The following PDE4B variants were observed in gnomAD, a reference collection of about 807,000 sequenced individuals.
The protein encoded by PDE4B is phosphodiesterase 4B, also known as 3',5'-cyclic-AMP phosphodiesterase 4B.
PDE4B carries 20 observed loss-of-function variants against 82.2 expected under a neutral mutation model. The observed-to-expected ratio is 0.24, with a 90% CI of 0.17 to 0.35. The LOEUF (loss-of-function observed/expected upper bound fraction) is 0.35, where lower values mean the gene tolerates loss of function less well. Among genes scored for constraint, PDE4B ranks in the 10% least tolerant of loss-of-function variants. PDE4B has a pLI of 1.00. For synonymous variants in PDE4B, 320 were observed against 318.9 expected, an observed-to-expected ratio of 1.00 and a Z score of -0.04; for missense variants, 655 against 907.2, an observed-to-expected ratio of 0.72 and a Z score of 3.57.
At chr1:66,083,543 A>G (rs1032575794) in intron 3 of PDE4B, among the ~76,000 whole-genome samples, 1 of 152,144 alleles carries the variant, frequency 6.6e-6, no homozygotes, top group Non-Finnish European at 1.5e-5. Context: ...TGATTTACAA[A>G]TGAGGAAAAG....
chr1:65,913,338 G>C lies in PDE4B; in HGVS notation c.24G>C (p.Met8Ile). The C allele has an allele frequency of 6.2e-7, 1 of 1,613,734 alleles. No individual in the cohort carries two copies. The highest frequency in any genetic ancestry group is 8.5e-7 in the Non-Finnish European group (1 of 1,179,680). Residue 8 changes from methionine to isoleucine, a missense_variant, in exon 2 of 17, where the codon ATG (methionine) becomes ATC (isoleucine). Around this residue, in one of 3 missense-constraint regions of PDE4B, gnomAD observed 253 missense variants for 275.6 expected, o/e 0.92. Transcript: ENST00000341517. Reference protein sequence around the residue: MKKSRSVMTVMADDNVKD... With the variant: MKKSRSVITVMADDNVKD... ...TAATGAAGAAAAGCAGGAGTGTGAT[G>C]ACGGTGATGGCTGATGATGTAAGTT... is the stretch of plus-strand genomic sequence containing the variant.
At chr1:65,943,245 C>T (rs1648538049) in intron 3 of PDE4B, among the ~76,000 whole-genome samples, 1 of 151,702 alleles carries the variant, frequency 6.6e-6, no homozygotes, top group Admixed American at 6.6e-5. Flanking sequence ...TCTAGTTTTG[C>T]CAACATCGTT....
At chr1:66,034,155 TTC>T (rs1003896055) in intron 3 of PDE4B, among the ~76,000 whole-genome samples, 1 of 152,202 alleles carries the variant, frequency 6.6e-6, no homozygotes, top group Non-Finnish European at 1.5e-5. Flanking sequence ...TGAGTGAGCT[TTC>T]TCTCTCTCTT....
At chr1:66,347,038 C>T (rs568554835) in intron 8 of PDE4B, among the ~76,000 whole-genome samples, 18 of 152,204 alleles carry the variant, frequency 1.2e-4, no homozygotes, top group South Asian at 4.1e-4. Context: ...ATTTTATTTC[C>T]GGACTCAGTT....
intron 1 of PDE4B, among the ~76,000 whole-genome samples, chr1:65,815,068 A>G (rs949943321): frequency 4.4e-5 from 6 of 136,450 alleles, no homozygotes; most frequent in Non-Finnish European, 7.9e-5. Context: ...TTTATTTATT[A>G]TTATTATACT....
At chr1:66,056,588 G>A (rs1500950) in intron 3 of PDE4B, among the ~76,000 whole-genome samples, 79,378 of 151,450 alleles carry the variant, frequency 0.52, 20,962 homozygotes, top group East Asian at 0.59. Flanking sequence ...CTTTGTGGAT[G>A]TGATTAAAGA....
At chr1:66,298,754 G>T (rs17128763) in intron 7 of PDE4B, among the ~76,000 whole-genome samples, 2,418 of 152,126 alleles carry the variant, frequency 0.016, 30 homozygotes, top group African/African-American at 0.042. Flanking sequence ...TTGTGGAGAG[G>T]TTCCATACAG....
chr1:66,058,718 G>A (rs926358070), intron 3 of PDE4B, among the ~76,000 whole-genome samples: 20 of 152,142 alleles, frequency 1.3e-4, no homozygotes, highest in African/African-American at 2.2e-4. Flanking sequence ...GCTGGGATGC[G>A]GGAACCAAGC....
intron 3 of PDE4B, among the ~76,000 whole-genome samples, chr1:66,132,786 C>A (rs542753804): frequency 1.3e-5 from 2 of 152,216 alleles, no homozygotes; most frequent in South Asian, 4.1e-4. Context: ...AACTTGGGCT[C>A]ACCAGCATAC....
intron 1 of PDE4B, among the ~76,000 whole-genome samples, chr1:65,868,633 A>G (rs1646538440): frequency 6.6e-6 from 1 of 152,186 alleles, no homozygotes; most frequent in South Asian, 2.1e-4. Context: ...CCAAACTGGC[A>G]AAGGGACTGT....
Position 66,365,650 on chromosome 1 carries a change from G to A in PDE4B, c.1285-17G>A. On this transcript the variant is annotated splice_polypyrimidine_tract_variant and intron_variant, in intron 12 of 16. Coordinates refer to ENST00000341517, the MANE Select transcript of PDE4B (RefSeq NM_002600.4). ...GCGAATTGGATGTGTAGTTAAATGT[G>A]TTTATTTGCCCGACAGGCTGTCTTC... The A allele has an allele frequency of 6.5e-7, 1 of 1,531,358 alleles. No individual in the cohort carries two copies. Among genetic ancestry groups the A allele is most frequent in the East Asian group, 2.3e-5 (1 of 44,340 alleles). 94.9% of individuals were successfully genotyped at this position (1,531,358 alleles called of 1,614,324 possible).
At chr1:66,253,194 T>C (rs1010874297) in intron 4 of PDE4B, among the ~76,000 whole-genome samples, 4 of 152,216 alleles carry the variant, frequency 2.6e-5, no homozygotes, top group African/African-American at 9.7e-5. Context: ...ATAATGCAGC[T>C]GAGAAACAAA....
intron 1 of PDE4B, among the ~76,000 whole-genome samples, chr1:65,903,427 A>ACG (rs1325510144): frequency 6.6e-6 from 1 of 151,766 alleles, no homozygotes; most frequent in Non-Finnish European, 1.5e-5. Context: ...ATGCACACAC[A>ACG]CACACACACA....
At chr1:66,070,431 G>T (rs1656095372) in intron 3 of PDE4B, among the ~76,000 whole-genome samples, 1 of 152,058 alleles carries the variant, frequency 6.6e-6, no homozygotes, top group Non-Finnish European at 1.5e-5. Context: ...AGTAGATGGA[G>T]TGGGAAGCTG....
intron 3 of PDE4B, among the ~76,000 whole-genome samples, chr1:65,995,832 T>C (rs1386345273): frequency 6.6e-6 from 1 of 152,186 alleles, no homozygotes; most frequent in East Asian, 1.9e-4. Context: ...TTTAAGAAGA[T>C]TGGATTGTTT....
intron 3 of PDE4B, among the ~76,000 whole-genome samples, chr1:66,163,532 T>C (rs889829371): frequency 1.3e-5 from 2 of 152,130 alleles, no homozygotes; most frequent in African/African-American, 4.8e-5. Context: ...GTCAATAGTA[T>C]AGATTCTTAT....
chr1:65,811,855 C>T (rs562587745), intron 1 of PDE4B, among the ~76,000 whole-genome samples: 1 of 151,704 alleles, frequency 6.6e-6, no homozygotes, highest in Non-Finnish European at 1.5e-5. Flanking sequence ...TCTTGTCTGC[C>T]TAAGACAACT....
chr1:65,987,411 G>A (rs1651011037), intron 3 of PDE4B, among the ~76,000 whole-genome samples: 1 of 152,172 alleles, frequency 6.6e-6, no homozygotes, highest in Non-Finnish European at 1.5e-5. Flanking sequence ...TTAAGTATAT[G>A]TGAAGATGAA....
At chr1:65,891,208 T>A (rs1646849677) in intron 1 of PDE4B, among the ~76,000 whole-genome samples, 1 of 152,142 alleles carries the variant, frequency 6.6e-6, no homozygotes, top group Non-Finnish European at 1.5e-5. Flanking sequence ...GAAACTTCTT[T>A]TATTTTTAAT....
Sources: gnomAD v4.1 joint callset for allele counts (sites outside exome capture counted in the v4.1 genomes callset) on GRCh38, gnomAD v4.1.1 for gene constraint, gnomAD v4.1.1 regional missense constraint, MANE v1.5 for transcripts, NCBI Gene and HGNC (gene_info 2026-07-23, HGNC 2026-07-21) for gene names.